The following ANO3 variants were observed in gnomAD, a reference collection of about 807,000 sequenced individuals.
ANO3 encodes anoctamin 3, also known as anoctamin-3.
In ANO3, 99 loss-of-function variants were observed where a neutral mutation model predicts 144.8. That is an observed-to-expected ratio of 0.68 (90% CI 0.58 to 0.81). The LOEUF (loss-of-function observed/expected upper bound fraction) is 0.81, where lower values mean the gene tolerates loss of function less well. Ranked by LOEUF, ANO3 falls within the 30% of genes least tolerant of loss-of-function variation. The pLI, the probability that ANO3 is intolerant of heterozygous loss-of-function variation, is 0.00. For synonymous variants in ANO3, 414 were observed against 392.6 expected, an observed-to-expected ratio of 1.05 and a Z score of -0.64; for missense variants, 905 against 1,202.2, an observed-to-expected ratio of 0.75 and a Z score of 3.66.
chr11:26,504,884 C>T (rs1590429276), intron 4 of ANO3, among the ~76,000 whole-genome samples: 1 of 151,748 alleles, frequency 6.6e-6, no homozygotes, highest in Admixed American at 6.6e-5. Context: ...TGGTGGCGGG[C>T]GCCTGTAGTC....
At chr11:26,475,012 CA>C (rs1401382994) in intron 4 of ANO3, among the ~76,000 whole-genome samples, 1 of 151,830 alleles carries the variant, frequency 6.6e-6, no homozygotes, top group Non-Finnish European at 1.5e-5. Context: ...TATGCTTCAT[CA>C]CAGACTATTC....
intron 4 of ANO3, 34 bp downstream of exon 4, chr11:26,463,182 T>A: frequency 8.7e-7 from 1 of 1,150,234 alleles, no homozygotes; most frequent in Non-Finnish European, 1.3e-6. Flanking sequence ...AAGTCATTTT[T>A]AGAGCATCAT....
chr11:26,274,214 AACAT>A (rs1001853259), intron 1 of ANO3, among the ~76,000 whole-genome samples: 40 of 152,290 alleles, frequency 2.6e-4, no homozygotes, highest in Admixed American at 7.9e-4. Context: ...ACAAATATAA[AACAT>A]ACAAACAATA....
chr11:26,302,931 A>C (rs1854271903), intron 1 of ANO3, among the ~76,000 whole-genome samples: 1 of 152,220 alleles, frequency 6.6e-6, no homozygotes, highest in Non-Finnish European at 1.5e-5. Context: ...GCCAACAAAC[A>C]TATGAAAAAA....
At chr11:26,631,874 A>G (rs919385331) in intron 18 of ANO3, among the ~76,000 whole-genome samples, 21 of 152,116 alleles carry the variant, frequency 1.4e-4, no homozygotes, top group South Asian at 2.1e-4. Context: ...TAGCCAAAAC[A>G]TAAGTAAATA....
At chr11:26,510,372 G>A (rs141743126) in intron 5 of ANO3, among the ~76,000 whole-genome samples, 128 of 151,390 alleles carry the variant, frequency 8.5e-4, no homozygotes, top group African/African-American at 3.0e-3. Context: ...AGAATATTCC[G>A]CCTCCCGCCC....
intron 1 of ANO3, among the ~76,000 whole-genome samples, chr11:26,361,029 C>A (rs2133924705): frequency 6.6e-6 from 1 of 152,254 alleles, no homozygotes; most frequent in East Asian, 1.9e-4. Context: ...TTCTATTTAA[C>A]TTTATACTCA....
At chr11:26,317,186 C>T (rs893128873) in intron 1 of ANO3, among the ~76,000 whole-genome samples, 1 of 151,920 alleles carries the variant, frequency 6.6e-6, no homozygotes, top group Non-Finnish European at 1.5e-5. Flanking sequence ...TAAAAAATTG[C>T]TAGGTGCTAT....
chr11:26,232,152 C>T (rs1252189215), intron 1 of ANO3, among the ~76,000 whole-genome samples: 2 of 152,068 alleles, frequency 1.3e-5, no homozygotes, highest in South Asian at 2.1e-4. Flanking sequence ...CTGGTTGGAC[C>T]TCGTTGTATT....
intron 1 of ANO3, among the ~76,000 whole-genome samples, chr11:26,287,706 T>C (rs1354383577): frequency 6.6e-6 from 1 of 152,202 alleles, no homozygotes; most frequent in Non-Finnish European, 1.5e-5. Context: ...AAGATTCAAA[T>C]CCAGATTATA....
intron 1 of ANO3, among the ~76,000 whole-genome samples, chr11:26,376,249 C>A (rs1590306685): frequency 6.6e-6 from 1 of 152,076 alleles, no homozygotes; most frequent in East Asian, 1.9e-4. Flanking sequence ...CCACTTCAAC[C>A]TTTATGAAGT....
chr11:26,491,348 C>T (rs1860699952), intron 4 of ANO3, among the ~76,000 whole-genome samples: 1 of 152,172 alleles, frequency 6.6e-6, no homozygotes, highest in Admixed American at 6.5e-5. Flanking sequence ...GACCAAGGAC[C>T]ACATAAACAG....
chr11:26,304,987 C>A, upstream of ANO3, among the ~76,000 whole-genome samples: 1 of 151,314 alleles, frequency 6.6e-6, no homozygotes, highest in Non-Finnish European at 1.5e-5. Context: ...ATTATTATCC[C>A]AATTAAAGGA....
chr11:26,354,402 T>C (rs1459684926), intron 1 of ANO3, among the ~76,000 whole-genome samples: 1 of 152,218 alleles, frequency 6.6e-6, no homozygotes, highest in Non-Finnish European at 1.5e-5. Flanking sequence ...GTTTCACAGG[T>C]GCATTCTTTT....
At chr11:26,309,451 C>T (rs1590250432), upstream of ANO3, 1 of 155,436 alleles carries the variant, frequency 6.4e-6, no homozygotes, top group East Asian at 1.9e-4. Flanking sequence ...TGCTTAGTTT[C>T]TAATGCAATT....
intron 1 of ANO3, among the ~76,000 whole-genome samples, chr11:26,364,854 C>T (rs1242535107): frequency 6.6e-6 from 1 of 152,080 alleles, no homozygotes; most frequent in Non-Finnish European, 1.5e-5. Context: ...TGCACCTGCC[C>T]CACCCCAAAT....
intron 1 of ANO3, among the ~76,000 whole-genome samples, chr11:26,353,937 A>G (rs186473467): frequency 6.6e-6 from 1 of 152,330 alleles, no homozygotes; most frequent in Admixed American, 6.5e-5. Flanking sequence ...ATTTATCTTT[A>G]TATCACCAAA....
At chr11:26,447,234 G>A (rs577042031) in intron 3 of ANO3, among the ~76,000 whole-genome samples, 67 of 2,162 alleles carry the variant, frequency 0.031, no homozygotes, top group African/African-American at 0.039. Flanking sequence ...AAAAAGGTGG[G>A]GGGGGGTACT....
At chr11:26,520,030 T>G (rs1396197125) in intron 6 of ANO3, among the ~76,000 whole-genome samples, 2 of 152,224 alleles carry the variant, frequency 1.3e-5, no homozygotes, top group Non-Finnish European at 2.9e-5. Flanking sequence ...TTTCCTTATT[T>G]CTGCCTTTTC....
Sources: gnomAD v4.1 joint callset for allele counts (sites outside exome capture counted in the v4.1 genomes callset) on GRCh38, gnomAD v4.1.1 for gene constraint, MANE v1.5 for transcripts, NCBI Gene and HGNC (gene_info 2026-07-23, HGNC 2026-07-21) for gene names.